FKBP8: variants seen among roughly 807,000 people sequenced by gnomAD.
The protein encoded by FKBP8 is FKBP prolyl isomerase 8.
A neutral mutation model predicts 41.7 loss-of-function variants in FKBP8; 5 were observed. The ratio of observed to expected loss-of-function variants is 0.12; its 90% CI spans 0.06 to 0.25. The LOEUF is 0.25. Among genes scored for constraint, FKBP8 ranks in the 10% least tolerant of loss-of-function variants. The probability of loss-of-function intolerance (pLI) is 1.00; values close to 1 mark genes in which losing one functional copy is unlikely to be tolerated. For synonymous variants in FKBP8, 279 were observed against 254.5 expected (o/e 1.10, Z -0.92); for missense variants, 397 against 563.0 (o/e 0.71, Z 2.98).
chr19:18,539,121 A>T (rs1223472494), intron 4 of FKBP8, among the ~76,000 whole-genome samples: 1 of 152,006 alleles, frequency 6.6e-6, no homozygotes, highest in Admixed American at 6.6e-5. Context: ...GCCCACACCC[A>T]GCTAATTTTT....
In FKBP8 at chr19:18,533,300, C is replaced by T; in HGVS notation, c.993G>A (p.Arg331=). The change falls in exon 7 of 9, where the codon AGG becomes AGA. Residue 331 remains arginine, a synonymous_variant. Transcript: ENST00000608443. ...TGGAAGGTTCCAGCTTCAGGGCTGCCCTCAGGATGGGGATGGCCTCACTGT... is the reference window on the plus strand; with the variant it reads ...TGGAAGGTTCCAGCTTCAGGGCTGCTCTCAGGATGGGGATGGCCTCACTGT... ...GEYSEAIPIL[R]AALKLEPSNK... is the part of the protein sequence containing the mutation. The T allele has an allele frequency of 6.2e-7, 1 of 1,603,898 alleles. No homozygotes were observed. The highest frequency in any genetic ancestry group is 2.2e-5 in the East Asian group (1 of 44,684).
At position 18,531,816 on chromosome 19, in the gene FKBP8, G is replaced by C; in HGVS notation, c.*353C>G. The C allele has an allele frequency of 3.6e-6, 1 of 280,860 alleles. No homozygotes were observed. Among genetic ancestry groups the C allele is most frequent in the Non-Finnish European group, 7.0e-6 (1 of 143,080 alleles). The allele number at this position is 280,860 out of a possible 1,614,324, so 17.4% of individuals were successfully genotyped here. On this transcript the variant is annotated 3_prime_UTR_variant, in exon 9 of 9. Transcript: ENST00000608443. ...GGCGGGGAGGGAACCTGGACAGGGG[G>C]CGGCAGGCGGGGTGGGGGGCTGGCA... is the stretch of plus-strand genomic sequence containing the variant.
chr19:18,539,349 C>T (rs755746409), intron 4 of FKBP8, 22 bp downstream of exon 4: 4 of 1,604,584 alleles, frequency 2.5e-6, no homozygotes. Context: ...CCTGCAGAGA[C>T]CTAAGGGTGG....
At chr19:18,533,073 T>G (rs916331920) in intron 7 of FKBP8, 197 bp downstream of exon 7, 2 of 678,962 alleles carry the variant, frequency 2.9e-6, no homozygotes, top group Admixed American at 3.0e-5. Flanking sequence ...CCTCAGCTGC[T>G]GGAGGAGTGA....
rs934485461 is a variant in FKBP8 at position 18,542,740 on chromosome 19, G to A, written c.-25-745C>T. 3 of 403,074 alleles carry A rather than the reference G, an allele frequency of 7.4e-6. No homozygotes were observed. The Admixed American group carries it at 9.7e-5, about 13-fold the overall frequency. The allele number at this position is 403,074 out of a possible 1,614,324, so 25.0% of individuals were successfully genotyped here. On this transcript the variant is annotated intron_variant, in intron 1 of 8. Transcript: ENST00000608443. ...TCAAAGCAGCCTCCTTTCCAGGAGT[G>A]GTCGAGGTCCCACCACATTCTACAG...
Position 18,541,971 on chromosome 19 carries a change from G to A in FKBP8, c.-1C>T. 1 of 1,612,268 alleles carries A rather than the reference G, an allele frequency of 6.2e-7. No homozygotes were observed. The highest frequency in any genetic ancestry group is 1.1e-5 in the South Asian group (1 of 91,064). On this transcript the variant is annotated 5_prime_UTR_variant, in exon 2 of 9. Coordinates refer to ENST00000608443, the MANE Select transcript of FKBP8 (RefSeq NM_012181.5). ...CAGAGGGTTCAGCACACGATGCCATGCTGCTGGGGGGACAGGAATTGGCCC... is the reference window on the plus strand; with the variant it reads ...CAGAGGGTTCAGCACACGATGCCATACTGCTGGGGGGACAGGAATTGGCCC...
chr19:18,541,590 T>C, intron 2 of FKBP8, 89 bp downstream of exon 2: 1 of 1,517,940 alleles, frequency 6.6e-7, no homozygotes, highest in East Asian at 2.3e-5. Context: ...CCACGTGACT[T>C]CCAACCCTCA....
Position 18,537,971 on chromosome 19 carries a change from CA to C in FKBP8, c.773-199del, listed in dbSNP as rs558325154. Reference sequence around the variant, plus strand: ...GCAAGCGAGGGCCTAGCCTGTGGTACATGTGAACTGGCCCTGTCTATGGTCA... The same window carrying C: ...GCAAGCGAGGGCCTAGCCTGTGGTACTGTGAACTGGCCCTGTCTATGGTCA... On this transcript the variant is annotated intron_variant, in intron 5 of 8. Transcript: ENST00000608443. This position sits in a 1 kb window ranked among gnomAD's most constrained non-coding sequence, Gnocchi z 4.4. 762 of 675,988 alleles carry C rather than the reference CA, an allele frequency of 1.1e-3. 3 individuals are homozygous for C. Among genetic ancestry groups the C allele is most frequent in the South Asian group, 8.8e-3 (456 of 52,096 alleles). The allele number at this position is 675,988 out of a possible 1,614,324, so 41.9% of individuals were successfully genotyped here.
chr19:18,533,003 G>A (rs1976484122), intron 7 of FKBP8: 1 of 833,392 alleles, frequency 1.2e-6, no homozygotes, highest in Non-Finnish European at 1.8e-6. Flanking sequence ...AAGGTAGCCA[G>A]GAGACAAAAG....
intron 1 of FKBP8, chr19:18,543,036 A>T (rs1976745284): frequency 2.7e-6 from 1 of 375,372 alleles, no homozygotes; most frequent in Non-Finnish European, 4.4e-6. Flanking sequence ...CTCCCCCCAC[A>T]GCCGCTCCGT....
chr19:18,533,459 T>G, intron 6 of FKBP8, 112 bp from the exon 7 acceptor site: 4 of 654,670 alleles, frequency 6.1e-6, no homozygotes, highest in Non-Finnish European at 9.9e-6. Flanking sequence ...CACTCCAGCT[T>G]GAGCAACAGA....
At chr19:18,535,569 C>T (rs971252928) in intron 6 of FKBP8, among the ~76,000 whole-genome samples, 17 of 151,744 alleles carry the variant, frequency 1.1e-4, no homozygotes, top group Non-Finnish European at 1.5e-4. Context: ...GTCAGGAGTT[C>T]AAGACCAGCC....
intron 7 of FKBP8, chr19:18,533,014 GT>G (rs771886974): frequency 7.4e-5 from 59 of 800,806 alleles, no homozygotes; most frequent in South Asian, 4.2e-4. Flanking sequence ...GAGACAAAAG[GT>G]TCTGGAAGGA....
At chr19:18,533,179 C>T in intron 7 of FKBP8, 91 bp downstream of exon 7, 1 of 1,283,080 alleles carries the variant, frequency 7.8e-7, no homozygotes. Flanking sequence ...GGTGGGAACA[C>T]AACAGAGAGC....
At chr19:18,539,994 T>G (rs1483150669) in intron 2 of FKBP8, among the ~76,000 whole-genome samples, 5 of 151,826 alleles carry the variant, frequency 3.3e-5, no homozygotes, top group African/African-American at 7.3e-5. Context: ...GGTTTTTTTG[T>G]TTTTTTGTTT....
At chr19:18,536,994 T>C (rs910287952) in intron 6 of FKBP8, among the ~76,000 whole-genome samples, 1 of 152,090 alleles carries the variant, frequency 6.6e-6, no homozygotes, top group African/African-American at 2.4e-5. Context: ...AGGATTCCAC[T>C]TTACTCTGAG....
At position 18,536,724 on chromosome 19, in the gene FKBP8, C is replaced by T. The variant is rs181713517; in HGVS notation, c.945+877G>A. Among the ~76,000 whole-genome samples the T allele has an allele frequency of 7.0e-4, 106 of 152,242 alleles. 3 individuals are homozygous for T. The South Asian group carries it at 0.013, about 18-fold the overall frequency. On this transcript the variant is annotated intron_variant, in intron 6 of 8. Transcript: ENST00000608443. ...GGCCCTGTTTGCAAGGCTGGAGATCCGGCAGTGAGCAAGACAGACCAAATC... is the reference window on the plus strand; with the variant it reads ...GGCCCTGTTTGCAAGGCTGGAGATCTGGCAGTGAGCAAGACAGACCAAATC...
chr19:18,535,119 C>A (rs1168162576), intron 6 of FKBP8, among the ~76,000 whole-genome samples: 1 of 152,108 alleles, frequency 6.6e-6, no homozygotes, highest in African/African-American at 2.4e-5. Flanking sequence ...GAGACAGGGC[C>A]ATGTTCCCCA....
chr19:18,540,687 T>C (rs762635642), intron 2 of FKBP8, among the ~76,000 whole-genome samples: 2 of 151,980 alleles, frequency 1.3e-5, no homozygotes, highest in Non-Finnish European at 2.9e-5. Context: ...GCCTGGCCAA[T>C]GTGGTGAAAC....
Sources: allele counts gnomAD v4.1 joint callset (sites outside exome capture counted in the v4.1 genomes callset), GRCh38; gene constraint gnomAD v4.1.1; non-coding constraint Gnocchi (gnomAD v3.1); transcripts MANE v1.5; gene names NCBI Gene and HGNC (gene_info 2026-07-23, HGNC 2026-07-21).